The following VPS13C variants were observed in gnomAD, a reference collection of about 807,000 sequenced individuals.
VPS13C encodes intermembrane lipid transfer protein VPS13C.
In VPS13C, 358 loss-of-function variants were observed where a neutral mutation model predicts 456.8. The observed-to-expected ratio is 0.78, with a 90% CI of 0.72 to 0.86. VPS13C has a LOEUF of 0.86. VPS13C is among the 40% of genes least tolerant of loss of function. VPS13C has a pLI of 0.00. For missense variants in VPS13C, 4,818 were observed against 4,385.4 expected (o/e 1.10, Z -2.79); for synonymous variants, 1,578 against 1,486.7 (o/e 1.06, Z -1.41).
chr15:61,864,255 C>T, intron 81 of VPS13C: 1 of 775,564 alleles, frequency 1.3e-6, no homozygotes, highest in Non-Finnish European at 1.6e-6. Flanking sequence ...AAATAGCTGG[C>T]ACAATTTATT....
chr15:62,051,319 T>C (rs1421534682), intron 1 of VPS13C, among the ~76,000 whole-genome samples: 1 of 152,186 alleles, frequency 6.6e-6, no homozygotes, highest in African/African-American at 2.4e-5. Flanking sequence ...TCATAAATCT[T>C]TATATTTTAG....
intron 3 of VPS13C, among the ~76,000 whole-genome samples, chr15:62,037,146 C>T (rs1207401845): frequency 7.6e-6 from 1 of 131,628 alleles, no homozygotes; most frequent in Non-Finnish European, 1.6e-5. Context: ...TAGAAAATCT[C>T]CTCCATAATG....
chr15:61,966,554 G>A (rs192843755), intron 29 of VPS13C, among the ~76,000 whole-genome samples: 54 of 151,900 alleles, frequency 3.6e-4, no homozygotes, highest in African/African-American at 1.3e-3. Context: ...TTTATTTAAT[G>A]AGGTCTTCAC....
At chr15:62,031,944 C>T (rs2047834032) in intron 5 of VPS13C, among the ~76,000 whole-genome samples, 1 of 151,784 alleles carries the variant, frequency 6.6e-6, no homozygotes, top group Non-Finnish European at 1.5e-5. Flanking sequence ...ACTTTTCTTA[C>T]AGGTGACTGA....
intron 23 of VPS13C, 22 bp downstream of exon 23, chr15:61,978,604 T>TA: frequency 6.2e-7 from 1 of 1,606,316 alleles, no homozygotes; most frequent in East Asian, 2.2e-5. Context: ...CCCAAGATCC[T>TA]AAAAGCTGAA....
At chr15:61,948,082 G>A (rs7173533) in intron 42 of VPS13C, among the ~76,000 whole-genome samples, 1,656 of 152,134 alleles carry the variant, frequency 0.011, 31 homozygotes, top group African/African-American at 0.038. Flanking sequence ...TCACCAGTAC[G>A]ACAGGTTGTT....
chr15:61,991,145 T>C (rs769886763), intron 17 of VPS13C, 51 bp from the exon 18 acceptor site: 4 of 1,390,802 alleles, frequency 2.9e-6, no homozygotes, highest in Non-Finnish European at 4.0e-6. Context: ...TTTACAAATA[T>C]AACTAAAAAG....
chr15:62,022,089 G>T (rs1374595835), intron 8 of VPS13C, among the ~76,000 whole-genome samples: 1 of 151,780 alleles, frequency 6.6e-6, no homozygotes, highest in Non-Finnish European at 1.5e-5. Context: ...GTGCTGAAAT[G>T]AACAAGGGAA....
At chr15:61,864,772 T>C in intron 81 of VPS13C, 1 of 985,428 alleles carries the variant, frequency 1.0e-6, no homozygotes, top group Non-Finnish European at 1.2e-6. Flanking sequence ...TGTTTCACAA[T>C]TCACTTGTGC....
chr15:62,049,919 A>G (rs889444622), intron 1 of VPS13C, among the ~76,000 whole-genome samples: 10 of 152,316 alleles, frequency 6.6e-5, no homozygotes, highest in Admixed American at 3.3e-4. Flanking sequence ...TTATTGGTAT[A>G]TAAGAATGCT....
chr15:62,002,673 A>G (rs2046671288), intron 15 of VPS13C, among the ~76,000 whole-genome samples: 1 of 145,688 alleles, frequency 6.9e-6, no homozygotes, highest in Non-Finnish European at 1.5e-5. Context: ...TAAGTCTTTA[A>G]TCCATCTTGA....
rs781422733 is a variant in VPS13C, at chr15:61,949,526, G to A, written c.4676C>T (p.Pro1559Leu). The stretch of plus-strand genomic sequence containing the variant: ...CTCAGAAGAGGAAGGCTCAGAGAAT[G>A]GAGCAGCAGATGATAAAAAATCCAT... ...SFMDFLSSAAPFSEPSSSEKE... is the reference protein window; with the variant it reads ...SFMDFLSSAALFSEPSSSEKE... Residue 1559 changes from proline (P) to leucine (L), a missense_variant, in exon 42 of 85, where the codon CCA becomes CTA. By Grantham distance (98) the Pro-to-Leu change is moderately conservative. Coordinates refer to ENST00000644861, the MANE Select transcript of VPS13C (RefSeq NM_020821.3). 6.2e-6 allele frequency: 10 copies of A among 1,613,410 alleles called. No homozygotes were observed. The highest frequency in any genetic ancestry group is 8.5e-6 in the Non-Finnish European group (10 of 1,179,844).
At position 61,991,659 on chromosome 15, in the gene VPS13C, G is replaced by T. The variant is rs767013031; in HGVS notation, c.1483+14C>A. ...CTTAACACTGTACAATAAGTTATTT[G>T]ACTTGGAACTTACTTTCAGGAATCA... On this transcript the variant is annotated intron_variant, in intron 17 of 84. Coordinates refer to ENST00000644861, the MANE Select transcript of VPS13C (RefSeq NM_020821.3). 9.9e-6 allele frequency: 16 copies of T among 1,608,804 alleles called. No homozygotes were observed. Among genetic ancestry groups the T allele is most frequent in the Non-Finnish European group, 1.3e-5 (15 of 1,177,824 alleles).
Position 61,874,866 on chromosome 15 carries a change from T to C in VPS13C, c.10414+10A>G. Reference sequence around the variant, plus strand: ...AAATATACACATATACACAAATATGTGATACATACCTACTGTGTGTCCAAA... The same window carrying C: ...AAATATACACATATACACAAATATGCGATACATACCTACTGTGTGTCCAAA... On this transcript the variant is annotated intron_variant, in intron 77 of 84. Transcript: ENST00000644861. The C allele has an allele frequency of 1.9e-6, 3 of 1,572,238 alleles. No homozygotes were observed. The highest frequency in any genetic ancestry group is 2.6e-6 in the Non-Finnish European group (3 of 1,163,586).
intron 18 of VPS13C, 50 bp downstream of exon 18, chr15:61,990,950 C>T: frequency 8.0e-7 from 1 of 1,251,952 alleles, no homozygotes; most frequent in Admixed American, 1.9e-5. Context: ...CCAATTCAAT[C>T]TAATATAGTA....
At chr15:61,856,548 T>A in intron 82 of VPS13C, 139 bp from the exon 83 acceptor site, 1 of 942,762 alleles carries the variant, frequency 1.1e-6, no homozygotes, top group Non-Finnish European at 1.5e-6. Flanking sequence ...AAAACCTGCT[T>A]CATTTTTTTT....
At chr15:62,003,772 G>T (rs906640736) in intron 15 of VPS13C, among the ~76,000 whole-genome samples, 1 of 152,014 alleles carries the variant, frequency 6.6e-6, no homozygotes, top group East Asian at 1.9e-4. Context: ...CATCTATTGA[G>T]ATAATCATGT....
At chr15:61,952,882 A>T (rs1013631177) in intron 38 of VPS13C, among the ~76,000 whole-genome samples, 3 of 150,296 alleles carry the variant, frequency 2.0e-5, no homozygotes, top group Non-Finnish European at 4.4e-5. Flanking sequence ...CTGACTAATT[A>T]AAAAAAAAAT....
chr15:62,046,708 CATA>C (rs2048414796), intron 1 of VPS13C, among the ~76,000 whole-genome samples: 1 of 152,158 alleles, frequency 6.6e-6, no homozygotes. Flanking sequence ...AAGGCACTAC[CATA>C]ATGTTTGTAA....
Sources: gnomAD v4.1 joint callset for allele counts (sites outside exome capture counted in the v4.1 genomes callset) on GRCh38, gnomAD v4.1.1 for gene constraint, MANE v1.5 for transcripts, NCBI Gene and HGNC (gene_info 2026-07-23, HGNC 2026-07-21) for gene names.